The following CDH3 variants were observed in gnomAD, a reference collection of about 807,000 sequenced individuals.
CDH3 encodes the protein cadherin 3.
Under a neutral mutation model 82.0 loss-of-function variants are expected in CDH3, and 54 were observed. The ratio of observed to expected loss-of-function variants is 0.66; its 90% CI spans 0.53 to 0.83. The LOEUF is 0.83. CDH3 is among the 40% of genes least tolerant of loss of function. CDH3 has a pLI of 0.00. For missense variants in CDH3, 1,054 were observed against 1,084.6 expected (o/e 0.97, Z 0.40); for synonymous variants, 446 against 437.9 (o/e 1.02, Z -0.23).
At chr16:68,645,491 G>A (rs527601934) in intron 1 of CDH3, 67 bp downstream of exon 1, 2 of 1,558,226 alleles carry the variant, frequency 1.3e-6, no homozygotes, top group Non-Finnish European at 1.8e-6. Flanking sequence ...GGTCCGCATG[G>A]GGCAGTGGCG....
chr16:68,669,246 G>A (rs965370949), intron 2 of CDH3, among the ~76,000 whole-genome samples: 1 of 152,088 alleles, frequency 6.6e-6, no homozygotes, highest in African/African-American at 2.4e-5. Context: ...CACTTAGCTG[G>A]GTATCCTGAG....
Position 68,695,863 on chromosome 16 carries a change from G to A in CDH3, c.2220G>A (p.Pro740=), listed in dbSNP as rs755602064. ...LRNDVAPTII[P]TPMYRPRPAN... is the part of the protein sequence containing the mutation. ...ATGACGTGGCACCAACCATCATCCC[G>A]ACACCCATGTACCGTCCTCGGCCAG... is the stretch of plus-strand genomic sequence containing the variant. Residue 740 remains proline, a synonymous_variant, in exon 15 of 16, where the codon CCG becomes CCA. Transcript: ENST00000264012. The A allele has an allele frequency of 6.2e-6, 10 of 1,614,106 alleles. No individual in the cohort carries two copies. Among genetic ancestry groups the A allele is most frequent in the East Asian group, 2.2e-5 (1 of 44,876 alleles).
At chr16:68,680,090 C>A in intron 7 of CDH3, 116 bp downstream of exon 7, 2 of 1,010,432 alleles carry the variant, frequency 2.0e-6, no homozygotes, top group Non-Finnish European at 1.5e-6. Flanking sequence ...CAGTGAGGAC[C>A]CACGTCAGCT....
chr16:68,685,191 CT>C lies in CDH3; in HGVS notation c.1425-10del. The C allele has an allele frequency of 3.1e-6, 5 of 1,613,896 alleles. No individual in the cohort carries two copies. Among genetic ancestry groups the C allele is most frequent in the Non-Finnish European group, 4.2e-6 (5 of 1,179,960 alleles). ...AATATTCTGGATGTACTCGTCTCAA[CT>C]TTTCCTCTCCAGCTACCGCATCCTG... On this transcript the variant is annotated splice_polypyrimidine_tract_variant and intron_variant, in intron 10 of 15. Coordinates refer to ENST00000264012, the MANE Select transcript of CDH3 (RefSeq NM_001793.6).
At chr16:68,679,654 C>T in intron 6 of CDH3, 145 bp from the exon 7 acceptor site, 1 of 588,500 alleles carries the variant, frequency 1.7e-6, no homozygotes. Context: ...GAGATCACAC[C>T]ATTGCACTCC....
At position 68,652,963 on chromosome 16, in the gene CDH3, G is replaced by T. The variant is rs75570633; in HGVS notation, c.160+7213G>T. On this transcript the variant is annotated intron_variant, in intron 2 of 15. Transcript: ENST00000264012. ...TGGGCATTTCAGTAGTTTCCATTTT[G>T]TGCAAATCTTCTAGTGACCTGTGCA... Among the ~76,000 whole-genome samples, 578 of 152,160 alleles carry T rather than the reference G, an allele frequency of 3.8e-3. 3 individuals carry two copies. Among genetic ancestry groups the T allele is most frequent in the African/African-American group, 0.013 (547 of 41,528 alleles).
At chr16:68,680,024 G>A (rs768699914) in intron 7 of CDH3, 50 bp downstream of exon 7, 8 of 1,564,146 alleles carry the variant, frequency 5.1e-6, no homozygotes, top group Middle Eastern at 1.7e-4. Context: ...GCCCAGGCTG[G>A]GAACTGACTC....
chr16:68,651,932 C>G, intron 2 of CDH3: 1 of 365,916 alleles, frequency 2.7e-6, no homozygotes. Context: ...ATGAGGGGCC[C>G]TTGTTGAATT....
chr16:68,687,867 C>A lies in CDH3; in HGVS notation c.1795+131C>A, dbSNP rs550840892. 29 of 706,418 alleles carry A rather than the reference C, an allele frequency of 4.1e-5. No individual in the cohort carries two copies. The Admixed American group carries it at 4.7e-4, about 11-fold the overall frequency. The allele number at this position is 706,418 out of a possible 1,614,324, so 43.8% of individuals were successfully genotyped here. ...ATGGGGACAATGATCTCCTCTAGAA[C>A]CTCAATCAGATGCTATTTATTAACC... On this transcript the variant is annotated intron_variant, in intron 12 of 15. Coordinates refer to ENST00000264012, the MANE Select transcript of CDH3 (RefSeq NM_001793.6).
intron 2 of CDH3, among the ~76,000 whole-genome samples, chr16:68,664,578 T>C (rs554404256): frequency 6.6e-5 from 10 of 152,316 alleles, no homozygotes; most frequent in African/African-American, 2.2e-4. Flanking sequence ...TGTGACAACA[T>C]TAAGCCCTCT....
chr16:68,685,125 G>A, intron 10 of CDH3, 80 bp from the exon 11 acceptor site: 6 of 1,524,496 alleles, frequency 3.9e-6, no homozygotes, highest in Non-Finnish European at 5.4e-6. Flanking sequence ...CCATCTGCCA[G>A]TTGGTATGAG....
chr16:68,718,836 G>A (rs560176404), intron 1 of CDH3, among the ~76,000 whole-genome samples: 105 of 152,244 alleles, frequency 6.9e-4, no homozygotes, highest in Admixed American at 1.7e-3. Context: ...GTTCCTAGAA[G>A]CTTTATTTAT....
chr16:68,677,998 G>C, intron 3 of CDH3, 136 bp from the exon 4 acceptor site: 2 of 808,120 alleles, frequency 2.5e-6, no homozygotes, highest in Admixed American at 3.7e-5. Flanking sequence ...CTGGGCTCAA[G>C]TGACCCTCCC....
chr16:68,698,089 T>G, intron 15 of CDH3, 102 bp from the exon 16 acceptor site: 2 of 1,034,628 alleles, frequency 1.9e-6, no homozygotes, highest in Non-Finnish European at 1.5e-6. Context: ...TCCAAAACCT[T>G]TAGGGGAGGG....
rs895117454 is a variant in CDH3 at position 68,718,672 on chromosome 16, ACT to A, written c.100-3750_100-3749del. ...ACTCCATCCTGGGCAACAGAATGAG[ACT>A]CTGTCTCAAAAAAATAAAAATAAAA... is the stretch of plus-strand genomic sequence containing the variant. On this transcript the variant is annotated intron_variant, in intron 1 of 2. Coordinates refer to the CDH3 transcript ENST00000569080. Among the ~76,000 whole-genome samples the A allele has an allele frequency of 1.3e-4, 20 of 151,940 alleles. 1 individual carries two copies. Among genetic ancestry groups the A allele is most frequent in the Admixed American group, 1.2e-3 (18 of 15,236 alleles).
chr16:68,725,221 G>C (rs576680957), intron 2 of CDH3, among the ~76,000 whole-genome samples: 1 of 152,268 alleles, frequency 6.6e-6, no homozygotes, highest in Admixed American at 6.5e-5. Context: ...GGGGCCTGCT[G>C]CCCATGGACT....
At chr16:68,725,668 G>C (rs573973506) in intron 2 of CDH3, among the ~76,000 whole-genome samples, 142 of 152,194 alleles carry the variant, frequency 9.3e-4, no homozygotes, top group Non-Finnish European at 1.6e-3. Flanking sequence ...AACAAAGTAG[G>C]TTCCATTATT....
intron 2 of CDH3, among the ~76,000 whole-genome samples, chr16:68,648,834 A>G (rs1183474611): frequency 2.0e-5 from 3 of 150,432 alleles, no homozygotes; most frequent in Non-Finnish European, 3.0e-5. Context: ...TATTAATAAC[A>G]AGCTCTCCCG....
downstream of CDH3, among the ~76,000 whole-genome samples, chr16:68,702,379 C>T (rs1961907985): frequency 6.6e-6 from 1 of 152,128 alleles, no homozygotes; most frequent in African/African-American, 2.4e-5. Context: ...AAAGCCAGTC[C>T]TGCATTCTAC....
Sources: gnomAD v4.1 joint callset for allele counts (sites outside exome capture counted in the v4.1 genomes callset) on GRCh38, gnomAD v4.1.1 for gene constraint, MANE v1.5 for transcripts, NCBI Gene and HGNC (gene_info 2026-07-23, HGNC 2026-07-21) for gene names.